The following BCLAF1 variants were observed in gnomAD, a reference collection of about 807,000 sequenced individuals.
The protein encoded by BCLAF1 is bcl-2-associated transcription factor 1.
In BCLAF1, 10 loss-of-function variants were observed where a neutral mutation model predicts 99.5. The observed-to-expected ratio is 0.10, with a 90% CI of 0.06 to 0.17. BCLAF1 has a LOEUF of 0.17. BCLAF1 is among the 10% of genes least tolerant of loss of function. The pLI is 1.00. For missense variants in BCLAF1, 636 were observed against 1,105.8 expected (o/e 0.58, Z 6.02); for synonymous variants, 255 against 370.9 (o/e 0.69, Z 3.59).
chr6:136,262,861 A>C (rs1319414425), intron 11 of BCLAF1, among the ~76,000 whole-genome samples: 2 of 152,054 alleles, frequency 1.3e-5, no homozygotes, highest in Non-Finnish European at 2.9e-5. Flanking sequence ...TTCTGGGAAG[A>C]GGTTTTGGAG....
chr6:136,282,455 C>A (rs186490016), intron 2 of BCLAF1, 129 bp downstream of exon 2: 1 of 152,152 alleles, frequency 6.6e-6, no homozygotes, highest in East Asian at 1.9e-4. Context: ...ATACAAGCCA[C>A]CAAAATAAAC....
Position 136,276,340 on chromosome 6 carries a change from A to G in BCLAF1, c.1185T>C (p.Asn395=), listed in dbSNP as rs150059008. Residue 395 remains asparagine (N), a synonymous_variant, in exon 5 of 13, where the codon AAT becomes AAC. Coordinates refer to ENST00000531224, the MANE Select transcript of BCLAF1 (RefSeq NM_014739.3). The stretch of plus-strand genomic sequence containing the variant: ...CCTCTGTGTCATCCCCTTCTGAATC[A>G]TTAAACTTTTGTTTTCCAGACTCTT... ...SDKESGKQKF[N]DSEGDDTEET... is the part of the protein sequence containing the mutation. 2 of 1,566,568 alleles carry G rather than the reference A, an allele frequency of 1.3e-6. No individual in the cohort carries two copies. Among genetic ancestry groups the G allele is most frequent in the Non-Finnish European group, 1.7e-6 (2 of 1,159,690 alleles).
chr6:136,272,824 C>A (rs1782720047), intron 7 of BCLAF1, among the ~76,000 whole-genome samples: 1 of 151,840 alleles, frequency 6.6e-6, no homozygotes, highest in Admixed American at 6.6e-5. Context: ...CTCCCAAAAA[C>A]CAAACTAATT....
chr6:136,287,847 T>C (rs549445714), intron 1 of BCLAF1, among the ~76,000 whole-genome samples: 2 of 152,068 alleles, frequency 1.3e-5, no homozygotes, highest in African/African-American at 2.4e-5. Flanking sequence ...ATTGTGAAAC[T>C]CCGTCTCTAC....
At chr6:136,261,184 T>C in intron 12 of BCLAF1, 69 bp from the exon 13 acceptor site, 9 of 1,563,530 alleles carry the variant, frequency 5.8e-6, no homozygotes, top group Non-Finnish European at 7.8e-6. Context: ...ATATTAATAA[T>C]TGTTCCTAAA....
intron 9 of BCLAF1, 95 bp downstream of exon 9, chr6:136,269,342 T>C (rs1385870587): frequency 2.5e-6 from 4 of 1,573,076 alleles, no homozygotes; most frequent in Non-Finnish European, 3.4e-6. Context: ...AATTTAAACA[T>C]TCGATTACAC....
rs142768003 is a variant in BCLAF1, at chr6:136,278,482, A to G, written c.399T>C (p.Tyr133=). 112 of 1,608,332 alleles carry G rather than the reference A, an allele frequency of 7.0e-5. No individual in the cohort carries two copies. The highest frequency in any genetic ancestry group is 8.7e-5 in the Non-Finnish European group (103 of 1,177,724). ...ATGATCTTGGAGACCTAGAAGATCTATATGACCGGCGAGATCTGCTTCTGG... is the reference window on the plus strand; with the variant it reads ...ATGATCTTGGAGACCTAGAAGATCTGTATGACCGGCGAGATCTGCTTCTGG... ...QRSRSRSRRS[Y]RSSRSPRSSS... is the part of the protein sequence containing the mutation. Residue 133 remains tyrosine (Y), a synonymous_variant, in exon 4 of 13, where the codon TAT becomes TAC. Coordinates refer to ENST00000531224, the MANE Select transcript of BCLAF1 (RefSeq NM_014739.3).
intron 1 of BCLAF1, among the ~76,000 whole-genome samples, chr6:136,285,116 T>C (rs2128492066): frequency 6.6e-6 from 1 of 152,192 alleles, no homozygotes; most frequent in Middle Eastern, 3.4e-3. Context: ...ATCTAGTAGA[T>C]CATCAAAAGG....
intron 11 of BCLAF1, among the ~76,000 whole-genome samples, chr6:136,263,782 C>T (rs1781350518): frequency 6.6e-6 from 1 of 152,216 alleles, no homozygotes; most frequent in Non-Finnish European, 1.5e-5. Flanking sequence ...TACTTTCCCA[C>T]TTGCTCCAAC....
chr6:136,269,274 T>C, intron 9 of BCLAF1, 163 bp downstream of exon 9: 2 of 1,515,304 alleles, frequency 1.3e-6, no homozygotes, highest in Non-Finnish European at 1.8e-6. Context: ...TCATCCACCA[T>C]AAGCCGTGTA....
At chr6:136,272,137 A>T (rs1584042896) in intron 7 of BCLAF1, 58 bp from the exon 8 acceptor site, 1 of 1,190,690 alleles carries the variant, frequency 8.4e-7, no homozygotes, top group Non-Finnish European at 1.2e-6. Flanking sequence ...GTTCAAAAAC[A>T]TCCACACGAT....
chr6:136,270,202 A>G (rs1231906938), intron 8 of BCLAF1: 2 of 151,964 alleles, frequency 1.3e-5, no homozygotes, highest in African/African-American at 4.8e-5. Context: ...TTGGTTGAAC[A>G]AGGGTAGAAA....
chr6:136,258,745 A>G lies in BCLAF1; in HGVS notation c.*2365T>C, dbSNP rs543823187. 1 of 152,652 alleles carries G rather than the reference A, an allele frequency of 6.6e-6. No individual in the cohort carries two copies. The highest frequency in any genetic ancestry group is 1.9e-4 in the East Asian group (1 of 5,188). 9.5% of individuals were successfully genotyped at this position (152,652 alleles called of 1,614,324 possible). On this transcript the variant is annotated 3_prime_UTR_variant, in exon 13 of 13. Transcript: ENST00000531224. ...ATTCCCAACACTGATTTTACCTGTG[A>G]CAAAAGGAACAATAGTAATTCCTTG...
At chr6:136,283,949 CAG>C (rs1396935464) in intron 1 of BCLAF1, among the ~76,000 whole-genome samples, 2 of 151,564 alleles carry the variant, frequency 1.3e-5, no homozygotes, top group African/African-American at 4.9e-5. Flanking sequence ...CCCAAGTGGC[CAG>C]AGAAAAAAAT....
intron 6 of BCLAF1, chr6:136,274,308 AAAAAAAG>A: frequency 2.2e-5 from 7 of 322,264 alleles, no homozygotes; most frequent in East Asian, 1.2e-4. Flanking sequence ...TTTTAAAAAA[AAAAAAAG>A]AAAAAAGAAA....
intron 8 of BCLAF1, 48 bp downstream of exon 8, chr6:136,271,944 CATT>C: frequency 7.6e-7 from 1 of 1,315,512 alleles, no homozygotes; most frequent in Non-Finnish European, 1.1e-6. Flanking sequence ...GGTACAATAT[CATT>C]AACTAAGCTG....
At chr6:136,275,222 A>G (rs1783107611) in intron 6 of BCLAF1, among the ~76,000 whole-genome samples, 2 of 152,134 alleles carry the variant, frequency 1.3e-5, no homozygotes, top group Non-Finnish European at 2.9e-5. Flanking sequence ...CTGCACTTCA[A>G]GTACATTACA....
intron 11 of BCLAF1, among the ~76,000 whole-genome samples, chr6:136,265,940 T>A (rs917395336): frequency 2.8e-4 from 43 of 152,164 alleles, no homozygotes; most frequent in African/African-American, 1.0e-3. Context: ...GATGGATCTT[T>A]CAAATTTTTC....
intron 11 of BCLAF1, 42 bp from the exon 12 acceptor site, chr6:136,261,519 G>C (rs377128639): frequency 2.1e-5 from 32 of 1,558,004 alleles, no homozygotes; most frequent in Middle Eastern, 1.7e-4. Flanking sequence ...AATGTTTCTT[G>C]TAAAGATGAT....
Sources: allele counts gnomAD v4.1 joint callset (sites outside exome capture counted in the v4.1 genomes callset), GRCh38; gene constraint gnomAD v4.1.1; transcripts MANE v1.5; gene names NCBI Gene and HGNC (gene_info 2026-07-23, HGNC 2026-07-21).